The following B4GALNT2 variants were observed in gnomAD, a reference collection of about 807,000 sequenced individuals.
B4GALNT2 encodes the protein beta-1,4-N-acetyl-galactosaminyltransferase 2 (SID blood group), also known as N-acetylneuraminylgalactosylglucosyl-glucoside beta-1,4-N- acetylgalactosaminyltransferase 2.
In B4GALNT2, 42 loss-of-function variants were observed where a neutral mutation model predicts 51.1. That is an observed-to-expected ratio of 0.82 (90% CI 0.64 to 1.06). The LOEUF is 1.06. B4GALNT2 is among the 50% of genes least tolerant of loss of function. The pLI, the probability that B4GALNT2 is intolerant of heterozygous loss-of-function variation, is 0.00. For missense variants in B4GALNT2, 602 were observed against 633.6 expected (o/e 0.95, Z 0.54); for synonymous variants, 253 against 251.7 (o/e 1.01, Z -0.05).
In B4GALNT2 at chr17:49,165,974, A is replaced by G. The variant is rs188852204; in HGVS notation, c.955-140A>G. ...CCCTGTGGTTCACAGCCTTGGCTGC[A>G]CACTGGATTCGCTCGCACCAATTCT... On this transcript the variant is annotated intron_variant, in intron 8 of 10. Transcript: ENST00000393354. The G allele has an allele frequency of 1.1e-3, 1,107 of 978,006 alleles. 12 individuals carry two copies. The highest frequency in any genetic ancestry group is 1.5e-4 in the Non-Finnish European group (99 of 677,196). 60.6% of individuals were successfully genotyped at this position (978,006 alleles called of 1,614,324 possible). A position where few individuals can be genotyped will look rare whatever the true frequency, so the allele number is the denominator to read the frequency against.
the B4GALNT2 span, among the ~76,000 whole-genome samples, chr17:49,121,076 T>C: frequency 4.6e-5 from 7 of 152,164 alleles, no homozygotes; most frequent in Non-Finnish European, 7.4e-5. Flanking sequence ...CATACATTTA[T>C]TGAGCAACAG....
the B4GALNT2 span, among the ~76,000 whole-genome samples, chr17:49,125,042 C>T: frequency 6.6e-6 from 1 of 152,268 alleles, no homozygotes; most frequent in South Asian, 2.1e-4. Flanking sequence ...TTTCATGCCT[C>T]CTTATAATCT....
At chr17:49,148,728 A>G (rs189365315) in intron 3 of B4GALNT2, 177 of 582,760 alleles carry the variant, frequency 3.0e-4, no homozygotes, top group Non-Finnish European at 3.9e-4. Flanking sequence ...AGGCATGTGG[A>G]CATCCTTCTT....
chr17:49,148,253 T>C (rs781167628), intron 3 of B4GALNT2: 39 of 261,454 alleles, frequency 1.5e-4, no homozygotes, highest in Non-Finnish European at 2.7e-4. Context: ...TGAGCTAAGA[T>C]CGTGCCGCTG....
rs1041819642 is a variant in B4GALNT2 at position 49,141,912 on chromosome 17, A to T, written c.216-123A>T. 6 of 1,284,196 alleles carry T rather than the reference A, an allele frequency of 4.7e-6. No individual in the cohort carries two copies. In the Admixed American group the frequency reaches 9.2e-5, roughly 20 times the overall value. 79.6% of individuals were successfully genotyped at this position (1,284,196 alleles called of 1,614,324 possible). On this transcript the variant is annotated intron_variant, in intron 2 of 10. Transcript: ENST00000393354. ...GGACTCCAGGGTCTCATCATCTCAG[A>T]ACAGTTGGGTGTAGGAAAGAAGATT...
chr17:49,128,302 G>A (rs778989221), upstream of B4GALNT2, among the ~76,000 whole-genome samples: 4 of 152,178 alleles, frequency 2.6e-5, no homozygotes, highest in African/African-American at 4.8e-5. Flanking sequence ...GTTTTTGAAC[G>A]GGTCACAGGT....
intron 1 of B4GALNT2, among the ~76,000 whole-genome samples, chr17:49,140,395 C>T (rs748743240): frequency 7.9e-5 from 12 of 152,136 alleles, no homozygotes; most frequent in African/African-American, 2.7e-4. Context: ...CCACCACACC[C>T]GGCATATGTG....
At chr17:49,135,108 C>T (rs545340640) in intron 1 of B4GALNT2, among the ~76,000 whole-genome samples, 24 of 151,864 alleles carry the variant, frequency 1.6e-4, no homozygotes, top group African/African-American at 5.3e-4. Flanking sequence ...TTCTATAACT[C>T]GAATAGTTTA....
At chr17:49,151,577 C>G (rs972990882) in intron 3 of B4GALNT2, among the ~76,000 whole-genome samples, 2 of 152,006 alleles carry the variant, frequency 1.3e-5, no homozygotes, top group African/African-American at 4.8e-5. Flanking sequence ...GAAACCCCGT[C>G]TCTACTAAAA....
At chr17:49,123,103 G>A in the B4GALNT2 span, among the ~76,000 whole-genome samples, 1 of 152,158 alleles carries the variant, frequency 6.6e-6, no homozygotes, top group African/African-American at 2.4e-5. Context: ...GCTGTCAGGG[G>A]TTGCTTCCTC....
In B4GALNT2 at chr17:49,168,709, T is replaced by C. The variant is rs147375987; in HGVS notation, c.1124T>C (p.Phe375Ser). Residue 375 changes from phenylalanine to serine, a missense_variant, in exon 10 of 11, where the codon TTC (phenylalanine) becomes TCC (serine). By Grantham distance (155) the Phe-to-Ser change is radical. Transcript: ENST00000393354. Reference sequence around the variant, plus strand: ...GGCGGCAGTGTGCTGGGAAATGTGTTCCAGTTTAAGTTGTTGCTGGAACAG... The same window carrying C: ...GGCGGCAGTGTGCTGGGAAATGTGTCCCAGTTTAAGTTGTTGCTGGAACAG... ...VVGGSVLGNV[F>S]QFKLLLEQSE... 6.2e-6 allele frequency: 10 copies of C among 1,613,904 alleles called. No homozygotes were observed. The highest frequency in any genetic ancestry group is 8.5e-6 in the Non-Finnish European group (10 of 1,180,002).
intron 1 of B4GALNT2, among the ~76,000 whole-genome samples, chr17:49,136,314 A>G (rs1010146489): frequency 1.3e-5 from 2 of 151,848 alleles, no homozygotes; most frequent in Non-Finnish European, 1.5e-5. Flanking sequence ...TTACTAAAAA[A>G]GAAAGAAAAA....
chr17:49,169,961 A>T lies in B4GALNT2; in HGVS notation c.*233A>T, dbSNP rs1391030541. ...ATTAATAGCAATGATGATTTGTACA[A>T]TGCCCTGCCTTTTTTGAAGCATTTG... On this transcript the variant is annotated 3_prime_UTR_variant, in exon 11 of 11. Coordinates refer to ENST00000393354, the MANE Select transcript of B4GALNT2 (RefSeq NM_001159387.2). The T allele has an allele frequency of 4.9e-6, 2 of 407,264 alleles. No homozygotes were observed. Among genetic ancestry groups the T allele is most frequent in the Admixed American group, 4.1e-5 (1 of 24,496 alleles). The allele number at this position is 407,264 out of a possible 1,614,324, so 25.2% of individuals were successfully genotyped here. A position where few individuals can be genotyped will look rare whatever the true frequency, so the allele number is the denominator to read the frequency against.
chr17:49,129,883 C>T (rs1420871620), upstream of B4GALNT2, among the ~76,000 whole-genome samples: 1 of 152,144 alleles, frequency 6.6e-6, no homozygotes, highest in Non-Finnish European at 1.5e-5. Context: ...GGCTGATGCC[C>T]TTTGGATTTA....
At chr17:49,125,591 C>T in the B4GALNT2 span, among the ~76,000 whole-genome samples, 1 of 151,854 alleles carries the variant, frequency 6.6e-6, no homozygotes, top group African/African-American at 2.4e-5. Flanking sequence ...AGGAGCATCT[C>T]TGCCCGGCTG....
intron 4 of B4GALNT2, among the ~76,000 whole-genome samples, chr17:49,156,219 T>C (rs2042808783): frequency 6.6e-6 from 1 of 152,142 alleles, no homozygotes; most frequent in African/African-American, 2.4e-5. Context: ...TCTGTCTCTA[T>C]GGGTTTGGCT....
chr17:49,152,915 A>C lies in B4GALNT2; in HGVS notation c.460+9A>C. 1.3e-6 allele frequency: 2 copies of C among 1,597,382 alleles called. No homozygotes were observed. On this transcript the variant is annotated intron_variant, in intron 4 of 10. Transcript: ENST00000393354. Reference sequence around the variant, plus strand: ...CACGGTTCCCATCCCAGGTAAGTACATCCACATACCAAGAGACCCCAGACA... The same window carrying C: ...CACGGTTCCCATCCCAGGTAAGTACCTCCACATACCAAGAGACCCCAGACA...
At chr17:49,121,983 T>C in the B4GALNT2 span, among the ~76,000 whole-genome samples, 1 of 152,260 alleles carries the variant, frequency 6.6e-6, no homozygotes. Flanking sequence ...GAGTGCTCTC[T>C]CTTACAGACT....
chr17:49,156,428 C>A, intron 4 of B4GALNT2, 138 bp from the exon 5 acceptor site: 1 of 873,654 alleles, frequency 1.1e-6, no homozygotes. Flanking sequence ...GCGCACGTGT[C>A]AGCAAACACT....
Sources: gnomAD v4.1 joint callset for allele counts (sites outside exome capture counted in the v4.1 genomes callset) on GRCh38, gnomAD v4.1.1 for gene constraint, MANE v1.5 for transcripts, NCBI Gene and HGNC (gene_info 2026-07-23, HGNC 2026-07-21) for gene names.